The following MYO9A variants were observed in gnomAD, a reference collection of about 807,000 sequenced individuals.
MYO9A encodes myosin IXA.
Under a neutral mutation model 293.3 loss-of-function variants are expected in MYO9A, and 103 were observed. The observed-to-expected ratio is 0.35, with a 90% CI of 0.30 to 0.41. The LOEUF (loss-of-function observed/expected upper bound fraction) is 0.41, where lower values mean the gene tolerates loss of function less well. Ranked by LOEUF, MYO9A falls within the 10% of genes least tolerant of loss-of-function variation. The pLI is 1.00. For synonymous variants in MYO9A, 1,001 were observed against 1,035.7 expected, an observed-to-expected ratio of 0.97 and a Z score of 0.64; for missense variants, 2,685 against 3,033.0, an observed-to-expected ratio of 0.89 and a Z score of 2.69.
intron 10 of MYO9A, 151 bp from the exon 11 acceptor site, chr15:71,991,388 A>G (rs2076538267): frequency 4.0e-6 from 2 of 505,898 alleles, no homozygotes; most frequent in African/African-American, 2.0e-5. Context: ...TCATGACTTA[A>G]AAGTATTTTA....
At chr15:72,001,620 T>C (rs977485729) in intron 8 of MYO9A, among the ~76,000 whole-genome samples, 9 of 150,960 alleles carry the variant, frequency 6.0e-5, no homozygotes, top group Non-Finnish European at 1.3e-4. Flanking sequence ...GGAAGAGGCA[T>C]TATCCTGCCA....
intron 37 of MYO9A, 22 bp from the exon 38 acceptor site, chr15:71,850,189 A>T (rs2055574666): frequency 6.2e-7 from 1 of 1,613,360 alleles, no homozygotes; most frequent in Non-Finnish European, 8.5e-7. Context: ...AACAAAACAA[A>T]AAACAAATGA....
rs369450309 is a variant in MYO9A at position 71,981,224 on chromosome 15, G to A, written c.1723-2932C>T. The stretch of plus-strand genomic sequence containing the variant: ...AGAATTTTTGTATCTGTGTTTATGA[G>A]TGAAACTGACCTATAATTTCCACTT... On this transcript the variant is annotated intron_variant, in intron 11 of 41. Transcript: ENST00000356056. Among the ~76,000 whole-genome samples the A allele has an allele frequency of 7.2e-5, 11 of 152,254 alleles. No individual in the cohort carries two copies. In the East Asian group the frequency reaches 1.9e-3, roughly 27 times the overall value.
At chr15:72,017,574 T>C (rs1184618546) in intron 6 of MYO9A, among the ~76,000 whole-genome samples, 1 of 152,200 alleles carries the variant, frequency 6.6e-6, no homozygotes, top group Admixed American at 6.5e-5. Context: ...AAGTGTTTTT[T>C]TCCCCAAAAT....
chr15:71,982,891 A>G (rs1326531151), intron 11 of MYO9A, among the ~76,000 whole-genome samples: 1 of 152,246 alleles, frequency 6.6e-6, no homozygotes, highest in Non-Finnish European at 1.5e-5. Context: ...GAATAATGCT[A>G]AAGGGTAACA....
chr15:72,081,916 T>C (rs991146153), intron 1 of MYO9A, among the ~76,000 whole-genome samples: 2 of 152,208 alleles, frequency 1.3e-5, no homozygotes, highest in African/African-American at 4.8e-5. Context: ...CCCAGTACCA[T>C]GCTGTTTTGT....
intron 1 of MYO9A, among the ~76,000 whole-genome samples, chr15:72,068,488 T>C (rs2079086839): frequency 5.2e-5 from 1 of 19,142 alleles, no homozygotes; most frequent in Non-Finnish European, 2.1e-4. Flanking sequence ...CAATTTCTCT[T>C]TTTTTTTTTT....
chr15:71,870,661 C>T (rs972539973), intron 32 of MYO9A, among the ~76,000 whole-genome samples: 1 of 152,092 alleles, frequency 6.6e-6, no homozygotes, highest in Admixed American at 6.6e-5. Context: ...TGCTGAAGTC[C>T]CTTATATAAA....
intron 19 of MYO9A, among the ~76,000 whole-genome samples, chr15:71,914,716 ATAACT>A (rs1292321761): frequency 2.0e-5 from 3 of 152,218 alleles, no homozygotes; most frequent in African/African-American, 4.8e-5. Flanking sequence ...TACTTTTGTA[ATAACT>A]TAATGGCCGA....
intron 1 of MYO9A, among the ~76,000 whole-genome samples, chr15:72,102,359 AG>A (rs1157817347): frequency 1.3e-5 from 2 of 150,930 alleles, no homozygotes; most frequent in Non-Finnish European, 3.0e-5. Flanking sequence ...GGAAGGCCGC[AG>A]GGTCCTCTGC....
In MYO9A at chr15:72,065,579, C is replaced by A. The variant is rs200571830; in HGVS notation, c.-71-18945G>T. Among the ~76,000 whole-genome samples the A allele has an allele frequency of 7.1e-4, 100 of 141,286 alleles. No individual in the cohort carries two copies. The Middle Eastern group carries it at 0.011, about 15-fold the overall frequency. 92.7% of individuals were successfully genotyped at this position (141,286 alleles called of 152,430 possible). A position where few individuals can be genotyped will look rare whatever the true frequency, so the allele number is the denominator to read the frequency against. ...GTGGGATCTCGAACAACAACAACAA[C>A]AAAAAAAACACACTAGGTACTAACC... On this transcript the variant is annotated intron_variant, in intron 1 of 41. Transcript: ENST00000356056.
chr15:72,007,392 G>GA (rs1566943736), intron 8 of MYO9A, among the ~76,000 whole-genome samples: 79 of 137,958 alleles, frequency 5.7e-4, no homozygotes, highest in East Asian at 8.4e-4. Flanking sequence ...AACCCATAAG[G>GA]GAAAAAAAAA....
chr15:71,938,545 C>A (rs991595979), intron 16 of MYO9A, among the ~76,000 whole-genome samples: 1 of 151,992 alleles, frequency 6.6e-6, no homozygotes, highest in Non-Finnish European at 1.5e-5. Flanking sequence ...AGCGGAATAA[C>A]CCTTAAATTT....
intron 2 of MYO9A, among the ~76,000 whole-genome samples, chr15:72,044,138 G>A (rs2078311282): frequency 6.6e-6 from 1 of 152,040 alleles, no homozygotes; most frequent in Non-Finnish European, 1.5e-5. Context: ...TGGGGGCGAT[G>A]GCTCATGCCT....
chr15:71,850,198 G>T, intron 37 of MYO9A, 31 bp from the exon 38 acceptor site: 2 of 1,612,228 alleles, frequency 1.2e-6, no homozygotes, highest in South Asian at 2.2e-5. Context: ...AAAAACAAAT[G>T]AGTAAGGGAT....
chr15:72,028,494 A>C (rs1286135223), intron 3 of MYO9A, among the ~76,000 whole-genome samples: 1 of 151,094 alleles, frequency 6.6e-6, no homozygotes, highest in Non-Finnish European at 1.5e-5. Flanking sequence ...CTAAAAATAC[A>C]AAATCAGCCA....
intron 1 of MYO9A, among the ~76,000 whole-genome samples, chr15:72,085,324 C>CG (rs1353099139): frequency 6.6e-6 from 1 of 150,446 alleles, no homozygotes; most frequent in Non-Finnish European, 1.5e-5. Context: ...ACCCAGGAGG[C>CG]AAATGTTGCA....
intron 2 of MYO9A, among the ~76,000 whole-genome samples, chr15:72,044,226 G>A (rs1421999779): frequency 6.6e-6 from 1 of 151,940 alleles, no homozygotes; most frequent in Non-Finnish European, 1.5e-5. Context: ...GACCAACATG[G>A]AGAAACCCCT....
At chr15:72,064,610 A>G (rs935355497) in intron 1 of MYO9A, among the ~76,000 whole-genome samples, 3 of 152,230 alleles carry the variant, frequency 2.0e-5, no homozygotes, top group African/African-American at 7.2e-5. Context: ...CTGAACATTT[A>G]TGATCTGTGC....
Sources: gnomAD v4.1 joint callset for allele counts (sites outside exome capture counted in the v4.1 genomes callset) on GRCh38, gnomAD v4.1.1 for gene constraint, MANE v1.5 for transcripts, NCBI Gene and HGNC (gene_info 2026-07-23, HGNC 2026-07-21) for gene names.